Variants in PRKN observed in about 807,000 individuals in gnomAD.
PRKN encodes the protein E3 ubiquitin-protein ligase parkin.
PRKN carries 56 observed loss-of-function variants against 59.5 expected under a neutral mutation model. That is an observed-to-expected ratio of 0.94 (90% CI 0.76 to 1.18). The LOEUF (loss-of-function observed/expected upper bound fraction) is 1.18, where lower values mean the gene tolerates loss of function less well. PRKN is among the 50% of genes most tolerant of loss of function. The pLI is 0.00. For missense variants in PRKN, 657 were observed against 596.4 expected (o/e 1.10, Z -1.06); for synonymous variants, 250 against 222.1 (o/e 1.13, Z -1.12).
chr6:161,616,135 T>G (rs1205593086), intron 7 of PRKN, among the ~76,000 whole-genome samples: 1 of 152,176 alleles, frequency 6.6e-6, no homozygotes, highest in Non-Finnish European at 1.5e-5. Context: ...TTGCCTGAAC[T>G]CCCTGTCCTG....
chr6:162,060,302 G>A (rs1778046435), intron 4 of PRKN, among the ~76,000 whole-genome samples: 1 of 152,196 alleles, frequency 6.6e-6, no homozygotes, highest in African/African-American at 2.4e-5. Context: ...TAGAGAAGCA[G>A]CAATTGAATC....
intron 4 of PRKN, among the ~76,000 whole-genome samples, chr6:162,113,638 C>T (rs1044007959): frequency 6.6e-6 from 1 of 152,132 alleles, no homozygotes; most frequent in Non-Finnish European, 1.5e-5. Context: ...ATACTTACTC[C>T]TTTTGCTTAA....
intron 1 of PRKN, among the ~76,000 whole-genome samples, chr6:162,476,668 G>T (rs1792033445): frequency 6.6e-6 from 1 of 152,064 alleles, no homozygotes; most frequent in Admixed American, 6.6e-5. Context: ...GTCTTGCCTG[G>T]TTCAACCTCA....
chr6:162,142,924 C>T (rs553800085), intron 4 of PRKN, among the ~76,000 whole-genome samples: 90 of 152,224 alleles, frequency 5.9e-4, no homozygotes, highest in Non-Finnish European at 3.8e-4. Flanking sequence ...ACTTATAAAC[C>T]AAGGCAATCA....
rs570548206 is a variant in PRKN at position 161,562,420 on chromosome 6, C to A, written c.933+6935G>T. On this transcript the variant is annotated intron_variant, in intron 8 of 11. Transcript: ENST00000366898. This position sits in a 1 kb window ranked among gnomAD's most constrained non-coding sequence, Gnocchi z 4.3. ...TGGTTGCTGCTCTTTACCCAATTTC[C>A]AAACACTGGTGTTCCTTACGGTTCA... is the stretch of plus-strand genomic sequence containing the variant. Among the ~76,000 whole-genome samples the A allele has an allele frequency of 1.5e-4, 23 of 152,312 alleles. No homozygotes were observed. In the South Asian group the frequency reaches 4.3e-3, roughly 29 times the overall value.
At chr6:161,350,254 G>T in intron 11 of PRKN, 43 bp from the exon 12 acceptor site, 1 of 1,412,458 alleles carries the variant, frequency 7.1e-7, no homozygotes, top group Non-Finnish European at 9.9e-7. Flanking sequence ...TTCGCAGCAA[G>T]TACCTGGAAA....
chr6:161,633,356 A>G (rs561220648), intron 7 of PRKN, among the ~76,000 whole-genome samples: 1 of 152,350 alleles, frequency 6.6e-6, no homozygotes, highest in South Asian at 2.1e-4. Flanking sequence ...TAAACATACA[A>G]TGTTCCAAAG....
At position 161,354,926 on chromosome 6, in the gene PRKN, G is replaced by C. The variant is rs1345895618; in HGVS notation, c.1286-4715C>G. Among the ~76,000 whole-genome samples the C allele has an allele frequency of 6.6e-6, 1 of 152,200 alleles. No individual in the cohort carries two copies. The highest frequency in any genetic ancestry group is 1.5e-5 in the Non-Finnish European group (1 of 68,036). Reference sequence around the variant, plus strand: ...ACTTTCCTACAGTCACGAACCATTTGACTCCTACAACTCCATCTTTGGAGG... The same window carrying C: ...ACTTTCCTACAGTCACGAACCATTTCACTCCTACAACTCCATCTTTGGAGG... On this transcript the variant is annotated intron_variant, in intron 11 of 11. Transcript: ENST00000366898. This position sits in a 1 kb window ranked among gnomAD's most constrained non-coding sequence, Gnocchi z 6.7.
At chr6:161,890,375 T>C (rs112890472) in intron 6 of PRKN, among the ~76,000 whole-genome samples, 1 of 152,180 alleles carries the variant, frequency 6.6e-6, no homozygotes, top group African/African-American at 2.4e-5. Flanking sequence ...GCCCTGGTCT[T>C]GGCATCGCAT....
At chr6:161,844,752 G>C (rs1793129236) in intron 6 of PRKN, among the ~76,000 whole-genome samples, 2 of 152,230 alleles carry the variant, frequency 1.3e-5, no homozygotes, top group Admixed American at 1.3e-4. Flanking sequence ...GGGGGTATAA[G>C]GCAGCAGGAC....
Position 162,393,155 on chromosome 6 carries a change from C to CTTTTTTTTTTTTTTTTTTTTTTTTTTT in PRKN, c.171+50154_171+50155insAAAAAAAAAAAAAAAAAAAAAAAAAAA, listed in dbSNP as rs1177332315. Among the ~76,000 whole-genome samples the CTTTTTTTTTTTTTTTTTTTTTTTTTTT allele has an allele frequency of 1.2e-4, 10 of 80,168 alleles. 1 individual carries two copies. The highest frequency in any genetic ancestry group is 1.2e-3 in the East Asian group (2 of 1,682). 52.6% of individuals were successfully genotyped at this position (80,168 alleles called of 152,430 possible). On this transcript the variant is annotated intron_variant, in intron 2 of 11. Transcript: ENST00000366898. ...TGATACTGGGTGAGGATAGGAGATT[C>CTTTTTTTTTTTTTTTTTTTTTTTTTTT]TTTTTTTTTTTTTTTTTTTTTTGAG...
In PRKN at chr6:162,235,979, AAG is replaced by A. The variant is rs1190694986; in HGVS notation, c.412+26544_412+26545del. 1.1e-4 allele frequency among the ~76,000 whole-genome samples: 13 copies of A among 117,430 alleles called. No homozygotes were observed. The East Asian group carries it at 2.4e-3, about 22-fold the overall frequency. 77.0% of individuals were successfully genotyped at this position (117,430 alleles called of 152,430 possible). A position where few individuals can be genotyped will look rare whatever the true frequency, so the allele number is the denominator to read the frequency against. ...AAAGGAAGAAAGAAAGAAAGAAAGA[AAG>A]AAAGAAAGAAAGAAAGAAAGAAAGA... On this transcript the variant is annotated intron_variant, in intron 3 of 11. Transcript: ENST00000366898.
rs1404208770 is a variant in PRKN at position 161,499,550 on chromosome 6, A to G, written c.1083+49304T>C. 6.6e-6 allele frequency among the ~76,000 whole-genome samples: 1 copy of G among 151,884 alleles called. No homozygotes were observed. Among genetic ancestry groups the G allele is most frequent in the Non-Finnish European group, 1.5e-5 (1 of 67,998 alleles). On this transcript the variant is annotated intron_variant, in intron 9 of 11. Transcript: ENST00000366898. This position sits in a 1 kb window ranked among gnomAD's most constrained non-coding sequence, Gnocchi z 4.2. ...CTTCTAGCCTCTTGCATCTACCTCT[A>G]TGGTTTGACTTCTGAAAATGTGGTC...
chr6:162,519,346 G>T (rs542341594), intron 1 of PRKN, among the ~76,000 whole-genome samples: 2 of 152,120 alleles, frequency 1.3e-5, no homozygotes. Flanking sequence ...TAGCTTGAGC[G>T]CTAGTGTGTC....
chr6:161,897,029 T>C (rs928613917), intron 6 of PRKN, among the ~76,000 whole-genome samples: 6 of 152,252 alleles, frequency 3.9e-5, no homozygotes, highest in African/African-American at 1.4e-4. Flanking sequence ...TGACCGATGA[T>C]ATAGTTTTCT....
intron 2 of PRKN, among the ~76,000 whole-genome samples, chr6:162,299,620 T>C (rs1781850357): frequency 6.6e-6 from 1 of 151,636 alleles, no homozygotes; most frequent in African/African-American, 2.4e-5. Context: ...ATCACTTCCC[T>C]TTATTTAATC....
intron 6 of PRKN, among the ~76,000 whole-genome samples, chr6:161,806,256 G>A (rs1791315574): frequency 6.6e-6 from 1 of 152,190 alleles, no homozygotes; most frequent in South Asian, 2.1e-4. Context: ...ATCTGCAGCA[G>A]AGGGTCCCAC....
intron 1 of PRKN, among the ~76,000 whole-genome samples, chr6:162,563,558 C>A (rs1194094216): frequency 6.6e-6 from 1 of 152,122 alleles, no homozygotes; most frequent in Non-Finnish European, 1.5e-5. Flanking sequence ...TACAAATAAG[C>A]CCAGACAGTG....
chr6:162,463,645 G>A (rs1791276515), intron 1 of PRKN, among the ~76,000 whole-genome samples: 1 of 152,172 alleles, frequency 6.6e-6, no homozygotes, highest in South Asian at 2.1e-4. Context: ...TGTGACTACT[G>A]CTATGGGGCA....
Sources: gnomAD v4.1 joint callset for allele counts (sites outside exome capture counted in the v4.1 genomes callset) on GRCh38, gnomAD v4.1.1 for gene constraint, Gnocchi (gnomAD v3.1) non-coding constraint, MANE v1.5 for transcripts, NCBI Gene and HGNC (gene_info 2026-07-23, HGNC 2026-07-21) for gene names.